Variants in PPFIA2 observed in about 807,000 individuals in gnomAD.
The protein encoded by PPFIA2 is liprin-alpha-2.
Under a neutral mutation model 175.5 loss-of-function variants are expected in PPFIA2, and 46 were observed. That is an observed-to-expected ratio of 0.26 (90% CI 0.21 to 0.34). PPFIA2 has a LOEUF of 0.34. PPFIA2 is among the 10% of genes least tolerant of loss of function. PPFIA2 has a pLI of 1.00. For missense variants in PPFIA2, 1,179 were observed against 1,506.1 expected (o/e 0.78, Z 3.60); for synonymous variants, 568 against 511.4 (o/e 1.11, Z -1.49).
At chr12:81,651,186 GAC>G (rs1205551048) in intron 4 of PPFIA2, among the ~76,000 whole-genome samples, 1 of 152,128 alleles carries the variant, frequency 6.6e-6, no homozygotes, top group Non-Finnish European at 1.5e-5. Flanking sequence ...CAGCATAGGG[GAC>G]ATTCCAAAGC....
In PPFIA2 at chr12:81,501,512, C is replaced by T. The variant is rs541016677; in HGVS notation, c.304-43646G>A. Among the ~76,000 whole-genome samples the T allele has an allele frequency of 9.9e-5, 15 of 152,198 alleles. No individual in the cohort carries two copies. In the South Asian group the frequency reaches 2.9e-3, roughly 29 times the overall value. ...ATGATACAGGCACTTTTCTCTATTTCGAGCACTGTTGTATTACAGAGCCTT... is the reference window on the plus strand; with the variant it reads ...ATGATACAGGCACTTTTCTCTATTTTGAGCACTGTTGTATTACAGAGCCTT... On this transcript the variant is annotated intron_variant, in intron 4 of 32. Coordinates refer to ENST00000549396, the MANE Select transcript of PPFIA2 (RefSeq NM_003625.5).
intron 21 of PPFIA2, among the ~76,000 whole-genome samples, chr12:81,327,744 GA>G (rs557108907): frequency 1.3e-5 from 2 of 151,512 alleles, no homozygotes; most frequent in African/African-American, 4.8e-5. Context: ...AATTTTAATA[GA>G]AAAAAATCAC....
At chr12:81,700,155 A>G (rs1470043858) in intron 3 of PPFIA2, among the ~76,000 whole-genome samples, 3 of 151,994 alleles carry the variant, frequency 2.0e-5, no homozygotes, top group Non-Finnish European at 2.9e-5. Context: ...ATATCTTCAT[A>G]CTCTGTAATC....
chr12:81,540,531 A>G (rs942931937), intron 4 of PPFIA2, among the ~76,000 whole-genome samples: 5 of 152,070 alleles, frequency 3.3e-5, no homozygotes, highest in Non-Finnish European at 5.9e-5. Context: ...TTTAAAATGT[A>G]TCTTTCATTA....
chr12:81,661,165 T>G (rs2068788266), intron 4 of PPFIA2, among the ~76,000 whole-genome samples: 1 of 152,124 alleles, frequency 6.6e-6, no homozygotes, highest in Non-Finnish European at 1.5e-5. Context: ...CCAGCTAACA[T>G]CATAATGACA....
At chr12:81,478,625 C>G (rs2057789147) in intron 4 of PPFIA2, among the ~76,000 whole-genome samples, 1 of 152,078 alleles carries the variant, frequency 6.6e-6, no homozygotes, top group African/African-American at 2.4e-5. Flanking sequence ...TGTCTTTGTT[C>G]TTATTGGTTT....
intron 4 of PPFIA2, among the ~76,000 whole-genome samples, chr12:81,647,277 A>G (rs2066254513): frequency 6.6e-6 from 1 of 152,202 alleles, no homozygotes; most frequent in Non-Finnish European, 1.5e-5. Context: ...ACTGAAGCAT[A>G]TTGAGAAACA....
At chr12:81,506,735 C>T (rs916998376) in intron 4 of PPFIA2, among the ~76,000 whole-genome samples, 1 of 152,110 alleles carries the variant, frequency 6.6e-6, no homozygotes, top group Non-Finnish European at 1.5e-5. Context: ...ATTTGGAAAC[C>T]TTTATTTCTG....
chr12:81,322,252 G>C (rs951493538), intron 22 of PPFIA2, among the ~76,000 whole-genome samples: 3 of 152,046 alleles, frequency 2.0e-5, no homozygotes, highest in East Asian at 1.9e-4. Flanking sequence ...AGGTATAAAA[G>C]AAAAAGAGTG....
chr12:81,562,751 G>A (rs965584466), intron 4 of PPFIA2, among the ~76,000 whole-genome samples: 1 of 146,594 alleles, frequency 6.8e-6, no homozygotes, highest in African/African-American at 2.5e-5. Flanking sequence ...GGAGGCTGAG[G>A]CAGGAGAATG....
chr12:81,263,433 C>T, intron 30 of PPFIA2, 43 bp from the exon 31 acceptor site: 1 of 1,546,812 alleles, frequency 6.5e-7, no homozygotes, highest in South Asian at 1.1e-5. Context: ...AACAAGTAAA[C>T]TAGTCCATGT....
intron 4 of PPFIA2, among the ~76,000 whole-genome samples, chr12:81,627,526 A>C (rs772901167): frequency 3.8e-4 from 58 of 152,260 alleles, no homozygotes; most frequent in Non-Finnish European, 6.6e-4. Context: ...CATTACTAGA[A>C]AGATGTCATC....
chr12:81,488,085 C>T (rs2059023870), intron 4 of PPFIA2, among the ~76,000 whole-genome samples: 1 of 151,812 alleles, frequency 6.6e-6, no homozygotes, highest in African/African-American at 2.4e-5. Context: ...TCCTATGTAA[C>T]ATTACTATAC....
chr12:81,287,650 C>A (rs1253751462), intron 24 of PPFIA2, among the ~76,000 whole-genome samples: 1 of 151,834 alleles, frequency 6.6e-6, no homozygotes, highest in Non-Finnish European at 1.5e-5. Flanking sequence ...TAGGCAAGCT[C>A]ATATGTAGTA....
At chr12:81,713,273 A>G (rs1242208227) in intron 3 of PPFIA2, among the ~76,000 whole-genome samples, 1 of 151,080 alleles carries the variant, frequency 6.6e-6, no homozygotes, top group Admixed American at 6.8e-5. Flanking sequence ...CCTCTTTGAC[A>G]TATGAGAAAA....
intron 4 of PPFIA2, among the ~76,000 whole-genome samples, chr12:81,586,897 A>G (rs181305477): frequency 6.6e-6 from 1 of 152,118 alleles, no homozygotes; most frequent in African/African-American, 2.4e-5. Context: ...TTTAAAAAGT[A>G]CCTTCATCAT....
At chr12:81,328,078 C>T (rs1260950454) in intron 21 of PPFIA2, among the ~76,000 whole-genome samples, 1 of 152,268 alleles carries the variant, frequency 6.6e-6, no homozygotes, top group South Asian at 2.1e-4. Context: ...AATTAAAACA[C>T]TTCTGAGGGA....
At chr12:81,278,129 C>T (rs369978839) in intron 27 of PPFIA2, among the ~76,000 whole-genome samples, 4 of 152,124 alleles carry the variant, frequency 2.6e-5, no homozygotes, top group African/African-American at 9.6e-5. Flanking sequence ...AGGAGGAATA[C>T]AATTATACAT....
intron 3 of PPFIA2, among the ~76,000 whole-genome samples, chr12:81,708,500 T>C (rs2077496511): frequency 6.6e-6 from 1 of 152,232 alleles, no homozygotes; most frequent in African/African-American, 2.4e-5. Flanking sequence ...AAAAGAATTA[T>C]AACTGAGATT....
Sources: gnomAD v4.1 joint callset for allele counts (sites outside exome capture counted in the v4.1 genomes callset) on GRCh38, gnomAD v4.1.1 for gene constraint, MANE v1.5 for transcripts, NCBI Gene and HGNC (gene_info 2026-07-23, HGNC 2026-07-21) for gene names.